The following MUSK variants were observed in gnomAD, a reference collection of about 807,000 sequenced individuals.
MUSK encodes the protein muscle, skeletal receptor tyrosine-protein kinase.
A neutral mutation model predicts 88.7 loss-of-function variants in MUSK; 55 were observed. The observed-to-expected ratio is 0.62, with a 90% CI of 0.50 to 0.78. MUSK has a LOEUF of 0.78. Among genes scored for constraint, MUSK ranks in the 30% least tolerant of loss-of-function variants. MUSK has a pLI of 0.00. For synonymous variants in MUSK, 387 were observed against 391.9 expected (o/e 0.99, Z 0.15); for missense variants, 1,015 against 1,074.3 (o/e 0.94, Z 0.77).
At chr9:110,738,576 G>T (rs990507443) in intron 6 of MUSK, among the ~76,000 whole-genome samples, 7 of 152,140 alleles carry the variant, frequency 4.6e-5, no homozygotes, top group Non-Finnish European at 8.8e-5. Context: ...CCTTCTCAGG[G>T]ATATTTCAGC....
intron 9 of MUSK, among the ~76,000 whole-genome samples, chr9:110,769,571 T>C (rs2077538086): frequency 6.6e-6 from 1 of 152,158 alleles, no homozygotes; most frequent in African/African-American, 2.4e-5. Context: ...TCAACTGTCC[T>C]TGCAGTTATT....
intron 5 of MUSK, among the ~76,000 whole-genome samples, chr9:110,729,732 C>T (rs2076939285): frequency 6.6e-6 from 1 of 151,828 alleles, no homozygotes; most frequent in African/African-American, 2.4e-5. Flanking sequence ...AAATAAAATC[C>T]ATGGGAGCTC....
Position 110,695,497 on chromosome 9 carries a change from A to G in MUSK, c.453A>G (p.Ser151=), listed in dbSNP as rs373961420. The G allele has an allele frequency of 1.1e-4, 166 of 1,567,160 alleles. No individual in the cohort carries two copies. The highest frequency in any genetic ancestry group is 1.3e-4 in the Non-Finnish European group (154 of 1,153,044). ...CTACAATGGGTAATCCCAAACCATC[A>G]GTGTCTTGGATAAAGGGAGACAGCC... ...PCTTMGNPKP[S]VSWIKGDSPL... The change falls in exon 4 of 15, where the codon TCA becomes TCG. Residue 151 remains serine, a synonymous_variant. Transcript: ENST00000374448.
chr9:110,776,927 A>T (rs912217552), intron 11 of MUSK, among the ~76,000 whole-genome samples: 1 of 152,136 alleles, frequency 6.6e-6, no homozygotes, highest in Non-Finnish European at 1.5e-5. Context: ...TATTTCTTAT[A>T]TGGCTATAAG....
chr9:110,692,086 G>A (rs115819626), intron 3 of MUSK, among the ~76,000 whole-genome samples: 463 of 152,088 alleles, frequency 3.0e-3, no homozygotes, highest in African/African-American at 0.011. Flanking sequence ...TATATTAGGT[G>A]TATTTTTAAG....
intron 12 of MUSK, 50 bp downstream of exon 12, chr9:110,785,066 G>A: frequency 6.6e-7 from 1 of 1,522,394 alleles, no homozygotes; most frequent in Non-Finnish European, 9.1e-7. Context: ...TTAAAGCCTT[G>A]TGTTTTATGG....
At chr9:110,711,460 A>C (rs2076670514) in intron 5 of MUSK, among the ~76,000 whole-genome samples, 2 of 152,134 alleles carry the variant, frequency 1.3e-5, no homozygotes, top group Admixed American at 6.6e-5. Context: ...GTTGTAAGGG[A>C]GGTCACTTTC....
In MUSK at chr9:110,800,898, C is replaced by A. The variant is rs768074747; in HGVS notation, c.2520C>A (p.Ser840Arg). 2.4e-4 allele frequency: 378 copies of A among 1,557,120 alleles called. 1 individual carries two copies. The highest frequency in any genetic ancestry group is 3.2e-4 in the Non-Finnish European group (373 of 1,151,810). The part of the protein sequence containing the change: ...ELYNLMRLCW[S>R]KLPADRPSFT... ...ACAATCTCATGCGTCTATGTTGGAG[C>A]AAGCTGCCTGCAGACAGACCCAGTT... Residue 840 changes from serine to arginine, a missense_variant, in exon 15 of 15, where the codon AGC becomes AGA. Ser to Arg is a moderately radical substitution (Grantham distance 110). Transcript: ENST00000374448.
rs10980527 is a variant in MUSK at position 110,686,375 on chromosome 9, C to G, written c.207-742C>G. ...TCTGCAAAATAAGGTAACATATTGA[C>G]AGATTTTGGTGATTAAAACAAGAAC... On this transcript the variant is annotated intron_variant, in intron 2 of 14. Coordinates refer to ENST00000374448, the MANE Select transcript of MUSK (RefSeq NM_005592.4). Among the ~76,000 whole-genome samples the G allele has an allele frequency of 9.9e-5, 15 of 152,170 alleles. No individual in the cohort carries two copies. The East Asian group carries it at 2.9e-3, about 29-fold the overall frequency.
At chr9:110,764,686 C>T (rs1182167486) in intron 8 of MUSK, among the ~76,000 whole-genome samples, 1 of 152,000 alleles carries the variant, frequency 6.6e-6, no homozygotes, top group Non-Finnish European at 1.5e-5. Flanking sequence ...TAGAGCTAAT[C>T]CAAGCACTGA....
chr9:110,754,486 C>A (rs2077287193), intron 7 of MUSK, among the ~76,000 whole-genome samples: 2 of 152,032 alleles, frequency 1.3e-5, no homozygotes, highest in Non-Finnish European at 2.9e-5. Context: ...AGCCATACAC[C>A]CCCACAAAAA....
In MUSK at chr9:110,803,172, A is replaced by G. The variant is rs181873506; in HGVS notation, c.*2184A>G. Among the ~76,000 whole-genome samples, 21 of 152,344 alleles carry G rather than the reference A, an allele frequency of 1.4e-4. No individual in the cohort carries two copies. Among genetic ancestry groups the G allele is most frequent in the Admixed American group, 1.1e-3 (17 of 15,312 alleles). ...GCTGACAGAAAATAGAGTAACAGTA[A>G]TCATAAAAATTATAATATCAGCTAG... On this transcript the variant is annotated 3_prime_UTR_variant, in exon 15 of 15. Transcript: ENST00000374448.
intron 11 of MUSK, among the ~76,000 whole-genome samples, chr9:110,784,529 A>G (rs1445687162): frequency 6.6e-6 from 1 of 152,124 alleles, no homozygotes; most frequent in Non-Finnish European, 1.5e-5. Context: ...ATGTCAGGTC[A>G]TAGATAATAT....
chr9:110,681,970 G>A (rs928705542), intron 1 of MUSK, among the ~76,000 whole-genome samples: 4 of 151,992 alleles, frequency 2.6e-5, no homozygotes, highest in Non-Finnish European at 5.9e-5. Context: ...AAGAAAGGAC[G>A]ATGTCTATAG....
At chr9:110,800,044 G>A (rs1215882487) in intron 14 of MUSK, among the ~76,000 whole-genome samples, 1 of 152,122 alleles carries the variant, frequency 6.6e-6, no homozygotes, top group East Asian at 1.9e-4. Flanking sequence ...TATGACAAGT[G>A]CCCAGGACAA....
chr9:110,779,811 A>C (rs2077724180), intron 11 of MUSK, among the ~76,000 whole-genome samples: 1 of 152,118 alleles, frequency 6.6e-6, no homozygotes, highest in Non-Finnish European at 1.5e-5. Flanking sequence ...TTCTTCTAGC[A>C]TTTATAATAA....
chr9:110,709,814 C>A (rs1428430508), intron 5 of MUSK, among the ~76,000 whole-genome samples: 1 of 151,754 alleles, frequency 6.6e-6, no homozygotes, highest in African/African-American at 2.4e-5. Context: ...GCAAGGAGAC[C>A]CCAAAGTCAT....
intron 14 of MUSK, among the ~76,000 whole-genome samples, chr9:110,790,479 G>T (rs1315266896): frequency 1.3e-5 from 2 of 152,190 alleles, no homozygotes; most frequent in African/African-American, 4.8e-5. Context: ...TGACAGGGTT[G>T]GCAAATAGTG....
At position 110,787,702 on chromosome 9, in the gene MUSK, A is replaced by G; in HGVS notation, c.1791A>G (p.Leu597=). The change falls in exon 14 of 15, where the codon TTA becomes TTG. Residue 597 remains leucine (L), a synonymous_variant. Transcript: ENST00000374448. The part of the protein sequence containing the change: ...GRVFQARAPG[L]LPYEPFTMVA... ...ATGTATCTCTCAGGGCACCAGGCTT[A>G]CTTCCCTATGAACCTTTCACTATGG... 2 of 1,613,788 alleles carry G rather than the reference A, an allele frequency of 1.2e-6. No homozygotes were observed.
Sources: gnomAD v4.1 joint callset for allele counts (sites outside exome capture counted in the v4.1 genomes callset) on GRCh38, gnomAD v4.1.1 for gene constraint, MANE v1.5 for transcripts, NCBI Gene and HGNC (gene_info 2026-07-23, HGNC 2026-07-21) for gene names.